KLHL23: variants seen among roughly 807,000 people sequenced by gnomAD.
KLHL23 encodes the protein kelch like family member 23, also known as kelch-like protein 23.
Under a neutral mutation model 48.9 loss-of-function variants are expected in KLHL23, and 33 were observed. The ratio of observed to expected loss-of-function variants is 0.67; its 90% CI spans 0.51 to 0.90. The LOEUF (loss-of-function observed/expected upper bound fraction) is 0.90. Among genes scored for constraint, KLHL23 ranks in the 40% least tolerant of loss-of-function variants. KLHL23 has a pLI of 0.00. For synonymous variants in KLHL23, 234 were observed against 231.6 expected (o/e 1.01, Z -0.09); for missense variants, 608 against 669.6 (o/e 0.91, Z 1.02).
intron 3 of KLHL23, among the ~76,000 whole-genome samples, chr2:169,747,255 A>G (rs114351276): frequency 1.1e-3 from 170 of 151,968 alleles, no homozygotes; most frequent in African/African-American, 3.6e-3. Context: ...TCTCAGCTAC[A>G]GTGCACACCT....
chr2:169,735,749 C>T lies in KLHL23; in HGVS notation c.735C>T (p.Cys245=). ...LKTALGLQRS[C]LLTENKIRSL... ...CAGCCTTAGGCCTTCAAAGAAGCTG[C>T]CTGCTCACCGAAAATAAGATCCGCT... The change falls in exon 2 of 4, where the codon TGC becomes TGT. Residue 245 remains cysteine (C), a synonymous_variant. Transcript: ENST00000392647. This position sits in a 1 kb window ranked among gnomAD's most constrained non-coding sequence, Gnocchi z 4.5. 6.2e-7 allele frequency: 1 copy of T among 1,614,038 alleles called. No homozygotes were observed. Among genetic ancestry groups the T allele is most frequent in the Middle Eastern group, 1.6e-4 (1 of 6,062 alleles).
At chr2:169,745,861 A>C (rs556614833) in intron 3 of KLHL23, among the ~76,000 whole-genome samples, 1 of 152,348 alleles carries the variant, frequency 6.6e-6, no homozygotes, top group Admixed American at 6.5e-5. Context: ...AGTTTAGAGC[A>C]AAGGAATCAT....
At chr2:169,744,137 G>T (rs1014539572) in intron 3 of KLHL23, among the ~76,000 whole-genome samples, 2 of 152,186 alleles carry the variant, frequency 1.3e-5, no homozygotes, top group Admixed American at 6.5e-5. Flanking sequence ...AATTATGTAA[G>T]ATGATTAAGT....
intron 2 of KLHL23, among the ~76,000 whole-genome samples, chr2:169,740,504 A>G (rs1688647527): frequency 6.8e-6 from 1 of 146,818 alleles, no homozygotes; most frequent in Admixed American, 6.9e-5. Flanking sequence ...GCTGGAGTGC[A>G]GTGGCACTGT....
intron 3 of KLHL23, 57 bp downstream of exon 3, chr2:169,741,594 GGATGGCTAAAA>G (rs1189764146): frequency 6.0e-6 from 9 of 1,512,154 alleles, no homozygotes; most frequent in Non-Finnish European, 8.0e-6. Context: ...GTAGCATAAA[GGATGGCTAAAA>G]ATGGACTGGA....
At chr2:169,749,327 T>G in intron 3 of KLHL23, 95 bp from the exon 4 acceptor site, 1 of 1,331,940 alleles carries the variant, frequency 7.5e-7, no homozygotes. Context: ...TTTTGTGTGC[T>G]AAATTTTAAA....
At chr2:169,738,989 CCCTCCT>C (rs1558946861) in intron 2 of KLHL23, among the ~76,000 whole-genome samples, 1 of 8,242 alleles carries the variant, frequency 1.2e-4, no homozygotes, top group Non-Finnish European at 2.3e-4. Context: ...CTCCCCCTCC[CCCTCCT>C]CCCCTTCCCC....
intron 3 of KLHL23, among the ~76,000 whole-genome samples, chr2:169,746,504 T>C (rs7608025): frequency 0.11 from 16,304 of 152,200 alleles, 904 homozygotes; most frequent in Middle Eastern, 0.18. Context: ...ATGTCTAACA[T>C]ATCTGCTGTG....
intron 3 of KLHL23, among the ~76,000 whole-genome samples, chr2:169,744,948 T>TG (rs1168500756): frequency 6.6e-6 from 1 of 151,474 alleles, no homozygotes; most frequent in Non-Finnish European, 1.5e-5. Flanking sequence ...TTTTTGTTTT[T>TG]TTTTTTTTAA....
Position 169,749,535 on chromosome 2 carries a change from A to G in KLHL23, c.1480A>G (p.Met494Val). 22 of 1,614,172 alleles carry G rather than the reference A, an allele frequency of 1.4e-5. No individual in the cohort carries two copies. The highest frequency in any genetic ancestry group is 1.8e-5 in the Non-Finnish European group (21 of 1,180,032). Residue 494 changes from methionine (M) to valine (V), a missense_variant, in exon 4 of 4, where the codon ATG becomes GTG. By Grantham distance (21) the Met-to-Val change is conservative (BLOSUM62 1). This residue lies in a region of KLHL23 where 179 missense variants were observed against 169.9 expected (regional missense o/e 1.05). Coordinates refer to ENST00000392647, the MANE Select transcript of KLHL23 (RefSeq NM_144711.6). ...AAATGAATGGAGAGAGATAGCTCCC[A>G]TGATGGAAAGGAGGATGGAGTGCGG... The part of the protein sequence containing the change: ...EQNEWREIAP[M>V]MERRMECGAV...
At chr2:169,742,228 A>T (rs1383461058) in intron 3 of KLHL23, among the ~76,000 whole-genome samples, 2 of 152,258 alleles carry the variant, frequency 1.3e-5, no homozygotes, top group Non-Finnish European at 1.5e-5. Context: ...GTTACCTTGA[A>T]TCATTTTCCA....
intron 3 of KLHL23, among the ~76,000 whole-genome samples, chr2:169,744,969 G>A (rs1226054659): frequency 2.0e-5 from 3 of 150,318 alleles, no homozygotes; most frequent in Non-Finnish European, 4.4e-5. Context: ...AGACAGTCTC[G>A]CTCTGTTGCT....
intron 2 of KLHL23, among the ~76,000 whole-genome samples, chr2:169,737,287 T>A (rs1213926981): frequency 6.6e-6 from 1 of 152,232 alleles, no homozygotes; most frequent in Non-Finnish European, 1.5e-5. Flanking sequence ...ATGATTGTCC[T>A]GAATGTCGGT....
In KLHL23 at chr2:169,736,028, A is replaced by G; in HGVS notation, c.1014A>G (p.Thr338=). The G allele has an allele frequency of 6.2e-7, 1 of 1,614,198 alleles. No homozygotes were observed. Among genetic ancestry groups the G allele is most frequent in the Non-Finnish European group, 8.5e-7 (1 of 1,180,034 alleles). Residue 338 remains threonine, a synonymous_variant, in exon 2 of 4, where the codon ACA becomes ACG. Transcript: ENST00000392647. ...YRTDNIEALD[T]VWIYNSESDE... is the part of the protein sequence containing the mutation. ...CGGATAACATAGAAGCTCTTGACACAGTGTGGATCTATAACAGTGAAAGTG... is the reference window on the plus strand; with the variant it reads ...CGGATAACATAGAAGCTCTTGACACGGTGTGGATCTATAACAGTGAAAGTG...
chr2:169,740,771 T>TATATATATATATATATAC lies in KLHL23; in HGVS notation c.1214-597_1214-596insCATATATATATATATATA, dbSNP rs1351151065. ...CCTCTATAAGCTTTTTTATATTATA[T>TATATATATATATATATAC]ATATATATATATATATATATAACTT... On this transcript the variant is annotated intron_variant, in intron 2 of 3. Transcript: ENST00000392647. Among the ~76,000 whole-genome samples, 14 of 88,250 alleles carry TATATATATATATATATAC rather than the reference T, an allele frequency of 1.6e-4. 1 individual carries two copies. In the East Asian group the frequency reaches 3.3e-3, roughly 21 times the overall value. 57.9% of individuals were successfully genotyped at this position (88,250 alleles called of 152,430 possible).
In KLHL23 at chr2:169,736,043, C is replaced by T. The variant is rs1688506092; in HGVS notation, c.1029C>T (p.Asn343=). The change falls in exon 2 of 4, where the codon AAC becomes AAT. Residue 343 remains asparagine, a synonymous_variant. Coordinates refer to ENST00000392647, the MANE Select transcript of KLHL23 (RefSeq NM_144711.6). ...CTCTTGACACAGTGTGGATCTATAA[C>T]AGTGAAAGTGATGAATGGACAGAAG... ...IEALDTVWIY[N]SESDEWTEGL... is the part of the protein sequence containing the mutation. 6.2e-7 allele frequency: 1 copy of T among 1,613,974 alleles called. No homozygotes were observed. The highest frequency in any genetic ancestry group is 8.5e-7 in the Non-Finnish European group (1 of 1,179,974).
At chr2:169,748,274 G>A (rs577621677) in intron 3 of KLHL23, among the ~76,000 whole-genome samples, 3 of 152,348 alleles carry the variant, frequency 2.0e-5, no homozygotes, top group Non-Finnish European at 1.5e-5. Flanking sequence ...GACAAGACCG[G>A]AATGACAGGA....
In KLHL23 at chr2:169,736,209, A is replaced by G. The variant is rs773223441; in HGVS notation, c.1195A>G (p.Ile399Val). Residue 399 changes from isoleucine to valine, a missense_variant, in exon 2 of 4, where the codon ATT (isoleucine) becomes GTT (valine). Coordinates refer to ENST00000392647, the MANE Select transcript of KLHL23 (RefSeq NM_144711.6). ...YDPLKEKWIP[I>V]ANMIKGVGNA... ...TCCTTTAAAAGAGAAATGGATTCCT[A>G]TTGCAAACATGATTAAAGGTAAGTG... The G allele has an allele frequency of 1.1e-5, 18 of 1,607,482 alleles. No homozygotes were observed. Among genetic ancestry groups the G allele is most frequent in the Non-Finnish European group, 1.4e-5 (17 of 1,177,448 alleles).
At chr2:169,745,192 T>C (rs1688765445) in intron 3 of KLHL23, among the ~76,000 whole-genome samples, 4 of 151,966 alleles carry the variant, frequency 2.6e-5, no homozygotes, top group Non-Finnish European at 5.9e-5. Context: ...ACTGGGCCAC[T>C]GCACCTGGCC....
Sources: gnomAD v4.1 joint callset for allele counts (sites outside exome capture counted in the v4.1 genomes callset) on GRCh38, gnomAD v4.1.1 for gene constraint, gnomAD v4.1.1 regional missense constraint, Gnocchi (gnomAD v3.1) non-coding constraint, MANE v1.5 for transcripts, NCBI Gene and HGNC (gene_info 2026-07-23, HGNC 2026-07-21) for gene names.